Variants in ADAMTS20 observed in about 807,000 individuals in gnomAD.
The protein encoded by ADAMTS20 is ADAM metallopeptidase with thrombospondin type 1 motif 20, also known as A disintegrin and metalloproteinase with thrombospondin motifs 20.
Under a neutral mutation model 260.1 loss-of-function variants are expected in ADAMTS20, and 225 were observed. That is an observed-to-expected ratio of 0.87 (90% confidence interval 0.78 to 0.97). ADAMTS20 has a LOEUF of 0.97. Ranked by LOEUF, ADAMTS20 falls within the 50% of genes least tolerant of loss-of-function variation. The pLI is 0.00. For synonymous variants in ADAMTS20, 802 were observed against 769.5 expected (o/e 1.04, Z -0.70); for missense variants, 2,400 against 2,337.7 (o/e 1.03, Z -0.55).
At chr12:43,389,318 T>C (rs1940548729) in intron 29 of ADAMTS20, among the ~76,000 whole-genome samples, 1 of 152,148 alleles carries the variant, frequency 6.6e-6, no homozygotes, top group African/African-American at 2.4e-5. Context: ...ACAATGGTGG[T>C]ACAGGCAAGC....
intron 37 of ADAMTS20, among the ~76,000 whole-genome samples, chr12:43,366,778 T>C (rs931883516): frequency 1.3e-5 from 2 of 151,792 alleles, no homozygotes; most frequent in Non-Finnish European, 2.9e-5. Flanking sequence ...CCAAATATTT[T>C]GGGATGCAAC....
chr12:43,541,958 C>A (rs973536810), intron 2 of ADAMTS20, among the ~76,000 whole-genome samples: 1 of 152,122 alleles, frequency 6.6e-6, no homozygotes, highest in African/African-American at 2.4e-5. Context: ...CTATTCAAAT[C>A]AAGAAAATAA....
rs1454815574 is a variant in ADAMTS20 at position 43,435,595 on chromosome 12, C to T, written c.2594-1224G>A. ...GGCAGAGCTTGCAGTGAGCCGAGATCGCACCACTGCACTCCAGCCTGGGCA... is the reference window on the plus strand; with the variant it reads ...GGCAGAGCTTGCAGTGAGCCGAGATTGCACCACTGCACTCCAGCCTGGGCA... On this transcript the variant is annotated intron_variant, in intron 18 of 38. Coordinates refer to ENST00000389420, the MANE Select transcript of ADAMTS20 (RefSeq NM_025003.5). Among the ~76,000 whole-genome samples, 50 of 145,096 alleles carry T rather than the reference C, an allele frequency of 3.4e-4. 1 individual carries two copies. Among genetic ancestry groups the T allele is most frequent in the Admixed American group, 2.0e-3 (29 of 14,200 alleles).
intron 28 of ADAMTS20, among the ~76,000 whole-genome samples, chr12:43,416,563 G>T (rs930142261): frequency 1.5e-5 from 2 of 134,218 alleles, no homozygotes; most frequent in Non-Finnish European, 3.1e-5. Context: ...TCACTCTGTC[G>T]CCCAGGCTGG....
chr12:43,366,954 T>C (rs1592028265), intron 37 of ADAMTS20, among the ~76,000 whole-genome samples: 1 of 151,950 alleles, frequency 6.6e-6, no homozygotes, highest in African/African-American at 2.4e-5. Context: ...ATTAGTCAAC[T>C]TAGATAAAAC....
chr12:43,479,046 C>T (rs1942402090), intron 7 of ADAMTS20, among the ~76,000 whole-genome samples: 1 of 152,078 alleles, frequency 6.6e-6, no homozygotes, highest in African/African-American at 2.4e-5. Context: ...TATTTAGTGT[C>T]TGGAGAGTTG....
intron 28 of ADAMTS20, among the ~76,000 whole-genome samples, chr12:43,409,901 G>A (rs542942603): frequency 2.0e-5 from 3 of 152,244 alleles, no homozygotes; most frequent in African/African-American, 7.2e-5. Context: ...ATGGAAACAA[G>A]GGCACATTCA....
chr12:43,397,957 A>G (rs1940737514), intron 29 of ADAMTS20, among the ~76,000 whole-genome samples: 1 of 152,154 alleles, frequency 6.6e-6, no homozygotes, highest in Admixed American at 6.5e-5. Flanking sequence ...CCCTGCATTG[A>G]CATGCTGAGC....
rs748772832 is a variant in ADAMTS20 at position 43,551,030 on chromosome 12, G to A, written c.332C>T (p.Thr111Ile). The A allele has an allele frequency of 1.2e-6, 2 of 1,613,452 alleles. No homozygotes were observed. Among genetic ancestry groups the A allele is most frequent in the South Asian group, 1.1e-5 (1 of 91,010 alleles). Reference protein sequence around the residue: ...AAGYTEVHLGTPERGAWESDA... With the variant: ...AAGYTEVHLGIPERGAWESDA... ...GCTCTCCCAGGCCCCGCGCTCCGGGGTTCCCAAGTGCACCTCGGTGTAGCC... is the reference window on the plus strand; with the variant it reads ...GCTCTCCCAGGCCCCGCGCTCCGGGATTCCCAAGTGCACCTCGGTGTAGCC... The change falls in exon 2 of 39, where the codon ACC (threonine) becomes ATC (isoleucine). Residue 111 changes from threonine to isoleucine, a missense_variant. Transcript: ENST00000389420. This position sits in a 1 kb window ranked among gnomAD's most constrained non-coding sequence, Gnocchi z 4.6.
intron 7 of ADAMTS20, among the ~76,000 whole-genome samples, chr12:43,487,492 G>A (rs1161773698): frequency 6.6e-6 from 1 of 152,090 alleles, no homozygotes; most frequent in African/African-American, 2.4e-5. Context: ...CACTACTCAA[G>A]TGATGGGTGC....
Position 43,439,922 on chromosome 12 carries a change from C to G in ADAMTS20, c.2438G>C (p.Arg813Pro), listed in dbSNP as rs142203536. ...NAVERINSTN[R>P]QEKELILQVL... ...CTGCAAAATAAGTTCTTTCTCTTGT[C>G]GATTAGTACTATTAATTCTTTCAAC... The change falls in exon 17 of 39, where the codon CGA (arginine) becomes CCA (proline). Residue 813 changes from arginine to proline, a missense_variant. Coordinates refer to ENST00000389420, the MANE Select transcript of ADAMTS20 (RefSeq NM_025003.5). The G allele has an allele frequency of 8.1e-6, 13 of 1,605,788 alleles. No homozygotes were observed. In the African/African-American group the frequency reaches 1.7e-4, roughly 21 times the overall value.
chr12:43,432,851 A>C (rs767671961), intron 19 of ADAMTS20, 40 bp from the exon 20 acceptor site: 4 of 1,507,616 alleles, frequency 2.7e-6, no homozygotes. Flanking sequence ...GGTATATTAC[A>C]TAATTTAAAA....
At chr12:43,532,758 T>C (rs1943243488) in intron 2 of ADAMTS20, among the ~76,000 whole-genome samples, 1 of 76,594 alleles carries the variant, frequency 1.3e-5, no homozygotes. Context: ...CCTGTGTCCA[T>C]GTGATCTCAT....
chr12:43,520,883 T>A (rs567047580), intron 3 of ADAMTS20, among the ~76,000 whole-genome samples: 7 of 152,328 alleles, frequency 4.6e-5, no homozygotes, highest in Admixed American at 3.3e-4. Context: ...CAAATGAAAT[T>A]CAGCTCTCAT....
chr12:43,423,479 C>T lies in ADAMTS20; in HGVS notation c.4284+2035G>A, dbSNP rs536189198. 1.9e-4 allele frequency: 91 copies of T among 472,496 alleles called. No individual in the cohort carries two copies. The South Asian group carries it at 2.0e-3, about 10-fold the overall frequency. 29.3% of individuals were successfully genotyped at this position (472,496 alleles called of 1,614,324 possible). A position where few individuals can be genotyped will look rare whatever the true frequency, so the allele number is the denominator to read the frequency against. ...TCATGAATGGGTAGGGAAAATAAAA[C>T]GTCTATGCTCAGAAACAAATGCCAT... On this transcript the variant is annotated intron_variant, in intron 28 of 38. Coordinates refer to ENST00000389420, the MANE Select transcript of ADAMTS20 (RefSeq NM_025003.5).
chr12:43,489,767 A>G (rs1006782420), intron 7 of ADAMTS20, among the ~76,000 whole-genome samples: 1 of 151,954 alleles, frequency 6.6e-6, no homozygotes, highest in Admixed American at 6.6e-5. Context: ...TCATGACACA[A>G]AAAAGTAGAA....
At chr12:43,469,129 T>G (rs371339768) in intron 7 of ADAMTS20, among the ~76,000 whole-genome samples, 1 of 152,116 alleles carries the variant, frequency 6.6e-6, no homozygotes, top group Admixed American at 6.5e-5. Context: ...TGAAGTTTCT[T>G]TACTTTTTTA....
intron 28 of ADAMTS20, among the ~76,000 whole-genome samples, chr12:43,421,112 A>G (rs1290356328): frequency 6.6e-6 from 1 of 151,788 alleles, no homozygotes; most frequent in Non-Finnish European, 1.5e-5. Flanking sequence ...CCCGGCTTAC[A>G]TGATCATTTC....
At position 43,452,397 on chromosome 12, in the gene ADAMTS20, A is replaced by T; in HGVS notation, c.1956T>A (p.Asp652Glu). ...LPRYSGIGTK[D>E]RCKLYCQVAG... is the part of the protein sequence containing the mutation. The stretch of plus-strand genomic sequence containing the variant: ...CAACCTGACAATAGAGTTTACAACG[A>T]TCCTTTGTGCCAACTGTAAAAAAGA... The change falls in exon 14 of 39, where the codon GAT becomes GAA. Residue 652 changes from aspartate to glutamate, a missense_variant. Coordinates refer to ENST00000389420, the MANE Select transcript of ADAMTS20 (RefSeq NM_025003.5). The T allele has an allele frequency of 1.2e-6, 2 of 1,611,922 alleles. No homozygotes were observed. Among genetic ancestry groups the T allele is most frequent in the Non-Finnish European group, 1.7e-6 (2 of 1,179,244 alleles).
Sources: gnomAD v4.1 joint callset for allele counts (sites outside exome capture counted in the v4.1 genomes callset) on GRCh38, gnomAD v4.1.1 for gene constraint, Gnocchi (gnomAD v3.1) non-coding constraint, MANE v1.5 for transcripts, NCBI Gene and HGNC (gene_info 2026-07-23, HGNC 2026-07-21) for gene names.